Variants in PRDM5 observed in about 807,000 individuals in gnomAD.
PRDM5 encodes the protein PR/SET domain 5, also known as PR domain zinc finger protein 5.
In PRDM5, 56 loss-of-function variants were observed where a neutral mutation model predicts 81.2. That is an observed-to-expected ratio of 0.69 (90% CI 0.56 to 0.86). The LOEUF is 0.86. PRDM5 is among the 40% of genes least tolerant of loss of function. The probability of loss-of-function intolerance (pLI) is 0.00; values close to 1 mark genes in which losing one functional copy is unlikely to be tolerated. For synonymous variants in PRDM5, 267 were observed against 256.4 expected, an observed-to-expected ratio of 1.04 and a Z score of -0.39; for missense variants, 697 against 770.1, an observed-to-expected ratio of 0.91 and a Z score of 1.12.
intron 3 of PRDM5, among the ~76,000 whole-genome samples, chr4:120,839,603 G>T (rs1333976833): frequency 6.6e-6 from 1 of 152,170 alleles, no homozygotes; most frequent in East Asian, 1.9e-4. Flanking sequence ...GCAGTCATGG[G>T]CAGGCCCAGA....
chr4:120,895,061 A>G (rs947481159), intron 2 of PRDM5, among the ~76,000 whole-genome samples: 1 of 152,224 alleles, frequency 6.6e-6, no homozygotes, highest in Non-Finnish European at 1.5e-5. Flanking sequence ...CATGTACATG[A>G]TAATGTTAAA....
At chr4:120,732,822 G>A (rs191159029) in intron 14 of PRDM5, among the ~76,000 whole-genome samples, 3 of 152,084 alleles carry the variant, frequency 2.0e-5, no homozygotes, top group East Asian at 1.9e-4. Flanking sequence ...CAGTCTTTAC[G>A]ATATTTTGAC....
intron 15 of PRDM5, among the ~76,000 whole-genome samples, chr4:120,697,198 CACAA>C (rs1252348857): frequency 6.6e-6 from 1 of 152,106 alleles, no homozygotes; most frequent in African/African-American, 2.4e-5. Context: ...ATAACACATA[CACAA>C]ACACTATTTT....
rs565752662 is a variant in PRDM5, at chr4:120,784,329, G to A, written c.1282+669C>T. Reference sequence around the variant, plus strand: ...AAGAAAAAGAATGTGACTGCAAAAAGAAGAAATCTGAGACAGTAGCAAGTA... The same window carrying A: ...AAGAAAAAGAATGTGACTGCAAAAAAAAGAAATCTGAGACAGTAGCAAGTA... On this transcript the variant is annotated intron_variant, in intron 11 of 15. Transcript: ENST00000264808. Among the ~76,000 whole-genome samples, 5 of 152,232 alleles carry A rather than the reference G, an allele frequency of 3.3e-5. No individual in the cohort carries two copies. The South Asian group carries it at 1.0e-3, about 32-fold the overall frequency.
chr4:120,859,827 C>T lies in PRDM5; in HGVS notation c.178-6287G>A, dbSNP rs149898326. On this transcript the variant is annotated intron_variant, in intron 2 of 15. Transcript: ENST00000264808. The stretch of plus-strand genomic sequence containing the variant: ...GAAGGCAAGAATCCCTCCCTCTCTA[C>T]GTTTCTCTTCCACAAAACAAATAAC... 2.9e-3 allele frequency among the ~76,000 whole-genome samples: 439 copies of T among 152,262 alleles called. 3 individuals are homozygous for T. Among genetic ancestry groups the T allele is most frequent in the African/African-American group, 0.01 (418 of 41,552 alleles).
At chr4:120,894,554 T>A (rs1764409476) in intron 2 of PRDM5, among the ~76,000 whole-genome samples, 1 of 152,248 alleles carries the variant, frequency 6.6e-6, no homozygotes. Flanking sequence ...TTGACAACAC[T>A]ACTTATAAAT....
At chr4:120,756,232 C>G (rs1263151464) in intron 13 of PRDM5, among the ~76,000 whole-genome samples, 2 of 152,190 alleles carry the variant, frequency 1.3e-5, no homozygotes, top group Non-Finnish European at 2.9e-5. Context: ...TCTCCATGTA[C>G]ACATATGTCT....
chr4:120,715,708 A>C (rs1269468789), intron 14 of PRDM5, among the ~76,000 whole-genome samples: 9 of 152,194 alleles, frequency 5.9e-5, no homozygotes, highest in Non-Finnish European at 4.4e-5. Context: ...GAAGAAACAA[A>C]AAGCTTAATC....
At chr4:120,902,727 C>T (rs953858012) in intron 2 of PRDM5, among the ~76,000 whole-genome samples, 3 of 152,226 alleles carry the variant, frequency 2.0e-5, no homozygotes, top group Non-Finnish European at 4.4e-5. Context: ...AGACCCACAA[C>T]ACTCAGTCTA....
At chr4:120,871,967 A>G (rs1416876284) in intron 2 of PRDM5, among the ~76,000 whole-genome samples, 1 of 151,830 alleles carries the variant, frequency 6.6e-6, no homozygotes, top group Non-Finnish European at 1.5e-5. Context: ...CCTGACCGAC[A>G]TGGTGAAACC....
At chr4:120,710,556 C>A in intron 14 of PRDM5, 143 bp from the exon 15 acceptor site, 4 of 728,254 alleles carry the variant, frequency 5.5e-6, no homozygotes, top group East Asian at 2.7e-5. Context: ...TGTGCCCCAC[C>A]CAAATTTCAT....
chr4:120,911,253 G>A (rs1238150857), intron 1 of PRDM5, among the ~76,000 whole-genome samples: 1 of 152,156 alleles, frequency 6.6e-6, no homozygotes, highest in Non-Finnish European at 1.5e-5. Flanking sequence ...ATGATTTTTA[G>A]AGAAGCTAAT....
chr4:120,879,244 CAT>C (rs1245489011), intron 2 of PRDM5, among the ~76,000 whole-genome samples: 1 of 152,114 alleles, frequency 6.6e-6, no homozygotes, highest in Non-Finnish European at 1.5e-5. Flanking sequence ...CTCAAAAAGA[CAT>C]ACAGGGGAAA....
At position 120,710,293 on chromosome 4, in the gene PRDM5, A is replaced by T; in HGVS notation, c.1728+16T>A. The T allele has an allele frequency of 6.2e-7, 1 of 1,611,678 alleles. No homozygotes were observed. Among genetic ancestry groups the T allele is most frequent in the Non-Finnish European group, 8.5e-7 (1 of 1,178,212 alleles). On this transcript the variant is annotated intron_variant, in intron 15 of 15. Transcript: ENST00000264808. Reference sequence around the variant, plus strand: ...GTTATTGGAAGACACTATGGGGGAAAAAAATCCAAACTCACATCACACTGA... The same window carrying T: ...GTTATTGGAAGACACTATGGGGGAATAAAATCCAAACTCACATCACACTGA...
At chr4:120,894,485 G>A (rs1427219928) in intron 2 of PRDM5, among the ~76,000 whole-genome samples, 1 of 152,120 alleles carries the variant, frequency 6.6e-6, no homozygotes, top group African/African-American at 2.4e-5. Context: ...GCGCAAGTCA[G>A]CTAGTGATAA....
intron 10 of PRDM5, among the ~76,000 whole-genome samples, chr4:120,791,033 T>A (rs944918573): frequency 6.6e-6 from 1 of 152,190 alleles, no homozygotes; most frequent in Non-Finnish European, 1.5e-5. Context: ...ATTCTCAGAC[T>A]GAAAATAGAA....
intron 2 of PRDM5, among the ~76,000 whole-genome samples, chr4:120,884,484 C>T (rs762001148): frequency 2.0e-5 from 3 of 152,148 alleles, no homozygotes; most frequent in Admixed American, 6.5e-5. Context: ...GCTTTCTATG[C>T]TCCCCAATCA....
intron 2 of PRDM5, among the ~76,000 whole-genome samples, chr4:120,878,173 T>C (rs1223075669): frequency 6.6e-6 from 1 of 152,326 alleles, no homozygotes; most frequent in East Asian, 1.9e-4. Context: ...TTCTGTATTC[T>C]TACACCTATG....
chr4:120,731,159 G>A (rs1430429350), intron 14 of PRDM5, among the ~76,000 whole-genome samples: 1 of 152,142 alleles, frequency 6.6e-6, no homozygotes, highest in Non-Finnish European at 1.5e-5. Context: ...CCGTGTGCTA[G>A]GCAGTCAGCT....
Sources: gnomAD v4.1 joint callset for allele counts (sites outside exome capture counted in the v4.1 genomes callset) on GRCh38, gnomAD v4.1.1 for gene constraint, MANE v1.5 for transcripts, NCBI Gene and HGNC (gene_info 2026-07-23, HGNC 2026-07-21) for gene names.